Variants in CCDC158 observed in about 807,000 individuals in gnomAD.
The protein encoded by CCDC158 is coiled-coil domain containing 158.
CCDC158 carries 116 observed loss-of-function variants against 138.6 expected under a neutral mutation model. The observed-to-expected ratio is 0.84, with a 90% CI of 0.72 to 0.98. CCDC158 has a LOEUF of 0.98. CCDC158 is among the 50% of genes least tolerant of loss of function. CCDC158 has a pLI of 0.00. For synonymous variants in CCDC158, 436 were observed against 442.4 expected, an observed-to-expected ratio of 0.99 and a Z score of 0.18; for missense variants, 1,265 against 1,306.1, an observed-to-expected ratio of 0.97 and a Z score of 0.48.
At chr4:76,314,355 G>C (rs1719172377) in intron 24 of CCDC158, among the ~76,000 whole-genome samples, 1 of 152,212 alleles carries the variant, frequency 6.6e-6, no homozygotes, top group South Asian at 2.1e-4. Flanking sequence ...AATAGATGTG[G>C]AGAGGAAGAT....
At chr4:76,319,465 AAT>A (rs1304922131) in intron 24 of CCDC158, among the ~76,000 whole-genome samples, 75 of 22,230 alleles carry the variant, frequency 3.4e-3, no homozygotes, top group Middle Eastern at 0.062. Context: ...AAAAAAAAAA[AAT>A]ATATATATAT....
chr4:76,362,173 A>G lies in CCDC158; in HGVS notation c.1973T>C (p.Leu658Ser). ...VKDIKQERDQ[L>S]LNEVKTSRSE... is the part of the protein sequence containing the mutation. ...CCTACTTGTTTTCACCTCATTTAAT[A>G]ATTGATCTCTCTCTTGTTTGATGTC... Residue 658 changes from leucine (L) to serine (S), a missense_variant, in exon 13 of 25, where the codon TTA (leucine) becomes TCA (serine). Physicochemically the swap from Leu to Ser is moderately radical, Grantham distance 145. Transcript: ENST00000682701. The G allele has an allele frequency of 6.2e-7, 1 of 1,614,074 alleles. No homozygotes were observed. The highest frequency in any genetic ancestry group is 8.5e-7 in the Non-Finnish European group (1 of 1,180,002).
At chr4:76,392,519 C>A (rs28848844) in intron 4 of CCDC158, among the ~76,000 whole-genome samples, 4,467 of 151,910 alleles carry the variant, frequency 0.029, 218 homozygotes, top group African/African-American at 0.1. Flanking sequence ...ATGACAGAAC[C>A]ACAGCTAGTA....
rs186372711 is a variant in CCDC158, at chr4:76,377,980, G to A, written c.1029+1310C>T. On this transcript the variant is annotated intron_variant, in intron 9 of 24. Coordinates refer to ENST00000682701, the MANE Select transcript of CCDC158 (RefSeq NM_001394954.1). ...TTTATGAATCTTGCTTCAGTTGCAT[G>A]TGTGTTGGATCATAAGATGAACTAT... is the stretch of plus-strand genomic sequence containing the variant. Among the ~76,000 whole-genome samples the A allele has an allele frequency of 9.9e-5, 15 of 151,972 alleles. No homozygotes were observed. In the East Asian group the frequency reaches 1.2e-3, roughly 12 times the overall value.
chr4:76,357,734 A>C (rs1420176912), intron 13 of CCDC158, among the ~76,000 whole-genome samples: 1 of 152,104 alleles, frequency 6.6e-6, no homozygotes, highest in Non-Finnish European at 1.5e-5. Flanking sequence ...GGTGGATCCT[A>C]TTCCTCCTCT....
intron 24 of CCDC158, among the ~76,000 whole-genome samples, chr4:76,322,045 T>C (rs959601982): frequency 4.0e-5 from 6 of 151,788 alleles, no homozygotes; most frequent in Non-Finnish European, 8.8e-5. Context: ...ATACATCATA[T>C]ACTGCTTGGG....
At chr4:76,333,085 T>G (rs762466773) in intron 19 of CCDC158, among the ~76,000 whole-genome samples, 5 of 152,196 alleles carry the variant, frequency 3.3e-5, no homozygotes, top group African/African-American at 4.8e-5. Flanking sequence ...GGGACAGTTC[T>G]GACATTATGT....
At chr4:76,355,797 A>ATGTGTG (rs1309308231) in intron 14 of CCDC158, among the ~76,000 whole-genome samples, 3 of 35,854 alleles carry the variant, frequency 8.4e-5, no homozygotes, top group African/African-American at 7.4e-5. Flanking sequence ...TAATATATGT[A>ATGTGTG]CGTGTGTGTG....
intron 1 of CCDC158, among the ~76,000 whole-genome samples, chr4:76,419,623 T>C (rs1346147430): frequency 6.6e-6 from 1 of 152,130 alleles, no homozygotes; most frequent in East Asian, 1.9e-4. Flanking sequence ...CTCCAATATC[T>C]GCCTCTGTGG....
chr4:76,314,143 C>T (rs968772229), intron 24 of CCDC158, among the ~76,000 whole-genome samples: 3 of 152,126 alleles, frequency 2.0e-5, no homozygotes, highest in Admixed American at 2.0e-4. Flanking sequence ...CCCAGAATTC[C>T]CCCTAAAAAT....
intron 21 of CCDC158, among the ~76,000 whole-genome samples, chr4:76,331,015 T>C (rs1041145132): frequency 6.6e-6 from 1 of 152,188 alleles, no homozygotes; most frequent in African/African-American, 2.4e-5. Flanking sequence ...GTGCTGAAGA[T>C]ACAGCAATGA....
intron 13 of CCDC158, among the ~76,000 whole-genome samples, chr4:76,360,167 G>T (rs1477477141): frequency 1.3e-5 from 2 of 152,224 alleles, no homozygotes; most frequent in African/African-American, 4.8e-5. Context: ...GTGATGTTGG[G>T]GCTGTGGGTG....
At chr4:76,419,523 C>A (rs1279852596) in intron 1 of CCDC158, among the ~76,000 whole-genome samples, 2 of 152,152 alleles carry the variant, frequency 1.3e-5, no homozygotes, top group Non-Finnish European at 2.9e-5. Context: ...GGGCTCCCTC[C>A]CTCCCTCTGG....
In CCDC158 at chr4:76,353,144, A is replaced by G. The variant is rs1470654895; in HGVS notation, c.2424T>C (p.Asn808=). 2.5e-6 allele frequency: 4 copies of G among 1,612,680 alleles called. No individual in the cohort carries two copies. Among genetic ancestry groups the G allele is most frequent in the African/African-American group, 2.7e-5 (2 of 74,834 alleles). Residue 808 remains asparagine, a synonymous_variant, in exon 16 of 25, where the codon AAT becomes AAC. Coordinates refer to ENST00000682701, the MANE Select transcript of CCDC158 (RefSeq NM_001394954.1). ...TTACCTTATCCAGAGCCACTTCCAT[A>G]TTAGTAACCTTTTCTTTCAAACGGC... ...QERRLKEKVT[N]MEVALDKASL... is the part of the protein sequence containing the mutation.
At chr4:76,378,532 A>T (rs1013763059) in intron 9 of CCDC158, among the ~76,000 whole-genome samples, 1 of 152,200 alleles carries the variant, frequency 6.6e-6, no homozygotes, top group Admixed American at 6.5e-5. Flanking sequence ...TAGCATTCAT[A>T]AAACAGGACA....
At chr4:76,344,601 A>T (rs751894025) in intron 18 of CCDC158, 79 of 1,340,702 alleles carry the variant, frequency 5.9e-5, no homozygotes, top group Non-Finnish European at 8.4e-5. Context: ...TCAGGTTGAC[A>T]TACCTGATGT....
intron 18 of CCDC158, among the ~76,000 whole-genome samples, chr4:76,349,699 C>T (rs1331171020): frequency 3.9e-5 from 6 of 152,056 alleles, no homozygotes; most frequent in Non-Finnish European, 8.8e-5. Context: ...CAAATAAATA[C>T]TTAAGTTAAA....
intron 5 of CCDC158, 32 bp downstream of exon 5, chr4:76,384,524 T>C (rs765013323): frequency 6.3e-6 from 10 of 1,579,868 alleles, no homozygotes; most frequent in Middle Eastern, 1.7e-4. Context: ...AATGAAAATA[T>C]GTGACTTTAA....
intron 1 of CCDC158, among the ~76,000 whole-genome samples, chr4:76,420,054 CTA>C (rs1729987691): frequency 6.6e-6 from 1 of 151,472 alleles, no homozygotes. Flanking sequence ...AATATTAACT[CTA>C]TGGCATGGAA....
Sources: allele counts gnomAD v4.1 joint callset (sites outside exome capture counted in the v4.1 genomes callset), GRCh38; gene constraint gnomAD v4.1.1; transcripts MANE v1.5; gene names NCBI Gene and HGNC (gene_info 2026-07-23, HGNC 2026-07-21).